Variants in GNAQ observed in about 807,000 individuals in gnomAD.
GNAQ encodes guanine nucleotide-binding protein G(q) subunit alpha.
Under a neutral mutation model 43.9 loss-of-function variants are expected in GNAQ, and 8 were observed. The ratio of observed to expected loss-of-function variants is 0.18; its 90% CI spans 0.11 to 0.33. GNAQ has a LOEUF of 0.33. Among genes scored for constraint, GNAQ ranks in the 10% least tolerant of loss-of-function variants. GNAQ has a pLI of 1.00. For missense variants in GNAQ, 158 were observed against 450.8 expected (o/e 0.35, Z 5.88); for synonymous variants, 155 against 170.7 (o/e 0.91, Z 0.71).
intron 5 of GNAQ, among the ~76,000 whole-genome samples, chr9:77,761,111 G>A (rs1305547606): frequency 1.3e-5 from 2 of 151,976 alleles, no homozygotes; most frequent in Non-Finnish European, 2.9e-5. Context: ...GTCCAGGAGG[G>A]AGGTGGGGGG....
intron 2 of GNAQ, among the ~76,000 whole-genome samples, chr9:77,865,257 A>T (rs1429245008): frequency 2.0e-5 from 3 of 152,208 alleles, no homozygotes; most frequent in African/African-American, 7.2e-5. Context: ...GCATTTGGTG[A>T]ATACTTTTTT....
At chr9:77,888,843 C>T (rs1009537147) in intron 2 of GNAQ, among the ~76,000 whole-genome samples, 11 of 151,952 alleles carry the variant, frequency 7.2e-5, no homozygotes, top group African/African-American at 2.2e-4. Context: ...GAGTGTCTGA[C>T]GCATCAAAGC....
intron 2 of GNAQ, among the ~76,000 whole-genome samples, chr9:77,881,734 T>C (rs1828211164): frequency 6.6e-6 from 1 of 152,214 alleles, no homozygotes; most frequent in South Asian, 2.1e-4. Context: ...ATCTGTGTTC[T>C]GCCCAATTCT....
intron 5 of GNAQ, among the ~76,000 whole-genome samples, chr9:77,759,894 T>TTTTC (rs146992217): frequency 0.6 from 87,443 of 146,956 alleles, 26,817 homozygotes; most frequent in Middle Eastern, 0.68. Flanking sequence ...CTCTCTCTTT[T>TTTTC]TTTCTTTCTT....
chr9:77,905,323 T>C (rs1371564740), intron 2 of GNAQ, among the ~76,000 whole-genome samples: 1 of 152,212 alleles, frequency 6.6e-6, no homozygotes, highest in African/African-American at 2.4e-5. Context: ...GTTCTAATAA[T>C]CTGATTAAAA....
chr9:77,993,655 T>C (rs1157721127), intron 1 of GNAQ, among the ~76,000 whole-genome samples: 1 of 151,542 alleles, frequency 6.6e-6, no homozygotes, highest in African/African-American at 2.4e-5. Flanking sequence ...TAAACCAAGA[T>C]TGGGCCACTG....
chr9:77,922,572 C>T (rs902175108), intron 1 of GNAQ, among the ~76,000 whole-genome samples: 41 of 152,114 alleles, frequency 2.7e-4, no homozygotes, highest in African/African-American at 1.4e-4. Flanking sequence ...AACCCAAACC[C>T]GTCACCTCCT....
intron 2 of GNAQ, among the ~76,000 whole-genome samples, chr9:77,912,208 T>C (rs537034224): frequency 1.4e-4 from 22 of 152,110 alleles, no homozygotes; most frequent in East Asian, 5.8e-4. Context: ...ATATACAAAA[T>C]AGATCAATGG....
At chr9:77,928,164 C>T (rs1489298840) in intron 1 of GNAQ, among the ~76,000 whole-genome samples, 4 of 152,218 alleles carry the variant, frequency 2.6e-5, no homozygotes, top group African/African-American at 4.8e-5. Context: ...GCTATATCTA[C>T]TTTAAAATAT....
intron 2 of GNAQ, among the ~76,000 whole-genome samples, chr9:77,839,237 C>T (rs1403465274): frequency 2.6e-5 from 4 of 152,228 alleles, no homozygotes; most frequent in African/African-American, 9.7e-5. Context: ...AGAAGTTAGA[C>T]TTGACTGATC....
At chr9:77,775,409 CTTTT>C (rs555902583) in intron 5 of GNAQ, among the ~76,000 whole-genome samples, 44 of 130,944 alleles carry the variant, frequency 3.4e-4, no homozygotes, top group South Asian at 5.0e-4. Flanking sequence ...CCTCATCTCT[CTTTT>C]TTTTTTTTTT....
chr9:77,847,480 T>C (rs1827606091), intron 2 of GNAQ, among the ~76,000 whole-genome samples: 1 of 152,134 alleles, frequency 6.6e-6, no homozygotes, highest in Non-Finnish European at 1.5e-5. Context: ...GAGTGCTGCC[T>C]TACAATTTGC....
intron 2 of GNAQ, among the ~76,000 whole-genome samples, chr9:77,816,107 T>TAA (rs1827009629): frequency 6.6e-6 from 1 of 152,150 alleles, no homozygotes; most frequent in Non-Finnish European, 1.5e-5. Context: ...ATGTTATTAT[T>TAA]AAAAGAAAAG....
intron 5 of GNAQ, among the ~76,000 whole-genome samples, chr9:77,747,338 G>T (rs1208048457): frequency 6.6e-6 from 1 of 152,130 alleles, no homozygotes; most frequent in Non-Finnish European, 1.5e-5. Flanking sequence ...TTTGATAAAT[G>T]TCACAGAGAA....
At chr9:77,967,034 A>G (rs1587435949) in intron 1 of GNAQ, among the ~76,000 whole-genome samples, 1 of 152,022 alleles carries the variant, frequency 6.6e-6, no homozygotes, top group African/African-American at 2.4e-5. Flanking sequence ...CACTCTCCCC[A>G]TGGGCTTTTG....
At chr9:77,941,114 G>C (rs1302312986) in intron 1 of GNAQ, among the ~76,000 whole-genome samples, 3 of 152,100 alleles carry the variant, frequency 2.0e-5, no homozygotes, top group African/African-American at 7.2e-5. Flanking sequence ...TATTTTTCAA[G>C]TATTAAATTG....
chr9:77,858,623 C>T (rs1827796451), intron 2 of GNAQ, among the ~76,000 whole-genome samples: 2 of 151,900 alleles, frequency 1.3e-5, no homozygotes, highest in South Asian at 4.2e-4. Context: ...TCAGTCACCC[C>T]CTTCTTCTTG....
At chr9:77,762,315 G>A (rs1432079194) in intron 5 of GNAQ, among the ~76,000 whole-genome samples, 8 of 142,952 alleles carry the variant, frequency 5.6e-5, no homozygotes, top group South Asian at 2.2e-4. Context: ...TCAGCCCCCC[G>A]CCCGGCCAGC....
At chr9:77,881,940 C>T (rs980820392) in intron 2 of GNAQ, among the ~76,000 whole-genome samples, 33 of 152,200 alleles carry the variant, frequency 2.2e-4, no homozygotes, top group African/African-American at 7.9e-4. Flanking sequence ...GAGTTCGAGA[C>T]CACCTTGGCC....
Sources: allele counts gnomAD v4.1 joint callset (sites outside exome capture counted in the v4.1 genomes callset), GRCh38; gene constraint gnomAD v4.1.1; transcripts MANE v1.5; gene names NCBI Gene and HGNC (gene_info 2026-07-23, HGNC 2026-07-21).